The following THSD7B variants were observed in gnomAD, a reference collection of about 807,000 sequenced individuals.
THSD7B encodes the protein thrombospondin type 1 domain containing 7B.
A neutral mutation model predicts 213.6 loss-of-function variants in THSD7B; 138 were observed. The ratio of observed to expected loss-of-function variants is 0.65; its 90% CI spans 0.56 to 0.74. The LOEUF (loss-of-function observed/expected upper bound fraction) is 0.74. Among genes scored for constraint, THSD7B ranks in the 30% least tolerant of loss-of-function variants. The pLI is 0.00. For synonymous variants in THSD7B, 742 were observed against 687.0 expected (o/e 1.08, Z -1.25); for missense variants, 1,931 against 1,991.5 (o/e 0.97, Z 0.58).
intron 5 of THSD7B, among the ~76,000 whole-genome samples, chr2:137,135,432 G>T (rs1388853614): frequency 6.6e-6 from 1 of 152,170 alleles, no homozygotes; most frequent in African/African-American, 2.4e-5. Context: ...TCCCTGTGCA[G>T]CTCAGGAGCC....
At position 137,024,866 on chromosome 2, in the gene THSD7B, C is replaced by T. The variant is rs570405481; in HGVS notation, c.140-31554C>T. On this transcript the variant is annotated intron_variant, in intron 2 of 27. Transcript: ENST00000409968. ...GACAATATCTTATCTGTATGCAAACCCTTTCAGCTTTAACTCCAAGATATA... is the reference window on the plus strand; with the variant it reads ...GACAATATCTTATCTGTATGCAAACTCTTTCAGCTTTAACTCCAAGATATA... 2.6e-5 allele frequency among the ~76,000 whole-genome samples: 4 copies of T among 152,080 alleles called. No individual in the cohort carries two copies. In the East Asian group the frequency reaches 7.7e-4, roughly 29 times the overall value.
At chr2:137,034,033 G>T (rs1373801065) in intron 2 of THSD7B, among the ~76,000 whole-genome samples, 1 of 151,160 alleles carries the variant, frequency 6.6e-6, no homozygotes, top group Non-Finnish European at 1.5e-5. Context: ...CCACCTATGA[G>T]TGAGAACATG....
chr2:137,345,363 C>T (rs1684853230), intron 12 of THSD7B, among the ~76,000 whole-genome samples: 1 of 151,372 alleles, frequency 6.6e-6, no homozygotes, highest in African/African-American at 2.4e-5. Flanking sequence ...CCTTCAGAGA[C>T]ATAAGGAAAA....
At chr2:137,311,646 C>T (rs1257846303) in intron 12 of THSD7B, among the ~76,000 whole-genome samples, 1 of 152,040 alleles carries the variant, frequency 6.6e-6, no homozygotes. Context: ...GTGGGTTTGT[C>T]ATAGATAGCT....
intron 1 of THSD7B, among the ~76,000 whole-genome samples, chr2:136,774,678 C>T (rs1278081427): frequency 3.3e-5 from 5 of 152,012 alleles, no homozygotes; most frequent in Admixed American, 1.3e-4. Context: ...AAGAACAAGA[C>T]GTCTGTTAGA....
At chr2:137,010,585 T>C (rs558001804) in intron 2 of THSD7B, among the ~76,000 whole-genome samples, 1 of 152,354 alleles carries the variant, frequency 6.6e-6, no homozygotes, top group South Asian at 2.1e-4. Context: ...CAGGCTCATA[T>C]TGTTTGTTAC....
chr2:136,910,261 G>C (rs148841150), intron 2 of THSD7B, among the ~76,000 whole-genome samples: 3 of 152,120 alleles, frequency 2.0e-5, no homozygotes, highest in Non-Finnish European at 4.4e-5. Flanking sequence ...GGAATGAAAA[G>C]AGTTCAGAGA....
chr2:137,640,103 C>T (rs1682911310), intron 20 of THSD7B, among the ~76,000 whole-genome samples: 2 of 152,154 alleles, frequency 1.3e-5, no homozygotes. Flanking sequence ...CCACCCAAAT[C>T]TCAACTTGAA....
intron 7 of THSD7B, among the ~76,000 whole-genome samples, chr2:137,206,186 A>T (rs1680980268): frequency 6.6e-6 from 1 of 151,950 alleles, no homozygotes; most frequent in Non-Finnish European, 1.5e-5. Context: ...TAGTCATCTT[A>T]CAACTGTGTC....
intron 27 of THSD7B, among the ~76,000 whole-genome samples, chr2:137,668,787 A>C (rs1683502100): frequency 6.6e-6 from 1 of 152,184 alleles, no homozygotes; most frequent in South Asian, 2.1e-4. Context: ...AGAAAAGAAA[A>C]TGTAATTAAG....
At chr2:137,269,656 C>T (rs1457357618) in intron 10 of THSD7B, among the ~76,000 whole-genome samples, 1 of 152,180 alleles carries the variant, frequency 6.6e-6, no homozygotes, top group Non-Finnish European at 1.5e-5. Flanking sequence ...GTATAATTGA[C>T]ATTAATTGGG....
chr2:137,385,879 C>T (rs1452021893), intron 12 of THSD7B, among the ~76,000 whole-genome samples: 1 of 152,130 alleles, frequency 6.6e-6, no homozygotes, highest in Non-Finnish European at 1.5e-5. Context: ...TTTATTACAC[C>T]TTTTAAAATT....
At chr2:136,933,793 T>C (rs922212961) in intron 2 of THSD7B, among the ~76,000 whole-genome samples, 1 of 152,210 alleles carries the variant, frequency 6.6e-6, no homozygotes, top group African/African-American at 2.4e-5. Flanking sequence ...TAATGCTTAA[T>C]TGTATTAATC....
chr2:137,563,467 C>T (rs1237356614), intron 16 of THSD7B, 113 bp downstream of exon 16: 3 of 1,324,520 alleles, frequency 2.3e-6, no homozygotes, highest in Non-Finnish European at 3.1e-6. Flanking sequence ...AACATATACT[C>T]TGGTTTTTTC....
chr2:137,575,742 A>ATATATATATATATATATATTTTTT (rs1235744133), intron 17 of THSD7B, among the ~76,000 whole-genome samples: 25 of 147,404 alleles, frequency 1.7e-4, no homozygotes, highest in South Asian at 6.8e-4. Flanking sequence ...ATATATATAT[A>ATATATATATATATATATATTTTTT]TTTTTACTTT....
At chr2:137,083,918 T>C (rs1373874596) in intron 3 of THSD7B, among the ~76,000 whole-genome samples, 1 of 152,142 alleles carries the variant, frequency 6.6e-6, no homozygotes, top group African/African-American at 2.4e-5. Context: ...AAGTACTTAG[T>C]TGCAATTTCA....
chr2:137,168,788 A>G (rs193227180), intron 6 of THSD7B, among the ~76,000 whole-genome samples: 1 of 152,280 alleles, frequency 6.6e-6, no homozygotes, highest in East Asian at 1.9e-4. Context: ...TAAGACAATA[A>G]ATAAGCAGCA....
At chr2:137,410,268 C>CT (rs113809211) in intron 13 of THSD7B, among the ~76,000 whole-genome samples, 5,655 of 146,482 alleles carry the variant, frequency 0.039, 142 homozygotes, top group Non-Finnish European at 0.053. Context: ...TGCAGAAATT[C>CT]TTTTTTTTTT....
intron 1 of THSD7B, among the ~76,000 whole-genome samples, chr2:136,802,795 A>G (rs2104923424): frequency 6.6e-6 from 1 of 150,866 alleles, no homozygotes; most frequent in East Asian, 1.9e-4. Flanking sequence ...CTGAACTGCA[A>G]CAGAATGGTT....
Sources: gnomAD v4.1 joint callset for allele counts (sites outside exome capture counted in the v4.1 genomes callset) on GRCh38, gnomAD v4.1.1 for gene constraint, MANE v1.5 for transcripts, NCBI Gene and HGNC (gene_info 2026-07-23, HGNC 2026-07-21) for gene names.